The following CABCOCO1 variants were observed in gnomAD, a reference collection of about 807,000 sequenced individuals.
CABCOCO1 encodes the protein ciliary-associated calcium-binding coiled-coil protein 1.
A neutral mutation model predicts 35.7 loss-of-function variants in CABCOCO1; 28 were observed. The observed-to-expected ratio is 0.78, with a 90% CI of 0.58 to 1.07. The LOEUF (loss-of-function observed/expected upper bound fraction) is 1.07, where lower values mean the gene tolerates loss of function less well. Among genes scored for constraint, CABCOCO1 ranks in the 50% least tolerant of loss-of-function variants. CABCOCO1 has a pLI of 0.00. For synonymous variants in CABCOCO1, 95 were observed against 100.1 expected (o/e 0.95, Z 0.30); for missense variants, 326 against 309.2 (o/e 1.05, Z -0.41).
In CABCOCO1 at chr10:61,701,556, A is replaced by G. The variant is rs186746314; in HGVS notation, c.552+10935A>G. On this transcript the variant is annotated intron_variant, in intron 5 of 7. Transcript: ENST00000648843. ...TGCTATTTATGATATTATCTGGCCA[A>G]TAGATGGCAGGACTTGGGGGAATGA... 6.0e-6 allele frequency: 5 copies of G among 835,392 alleles called. No individual in the cohort carries two copies. The African/African-American group carries it at 7.4e-5, about 12-fold the overall frequency. The allele number at this position is 835,392 out of a possible 1,614,324, so 51.7% of individuals were successfully genotyped here.
At chr10:61,730,828 G>T (rs752117807) in intron 5 of CABCOCO1, among the ~76,000 whole-genome samples, 2 of 151,792 alleles carry the variant, frequency 1.3e-5, no homozygotes, top group Non-Finnish European at 2.9e-5. Context: ...TGATATTACT[G>T]TCAAAAATGC....
chr10:61,754,264 A>G (rs1841851598), intron 5 of CABCOCO1, among the ~76,000 whole-genome samples: 1 of 152,132 alleles, frequency 6.6e-6, no homozygotes, highest in Non-Finnish European at 1.5e-5. Context: ...CCAAGTCTAA[A>G]GCCTATAATT....
At chr10:61,667,445 T>C (rs1237845200) in intron 1 of CABCOCO1, among the ~76,000 whole-genome samples, 6 of 151,456 alleles carry the variant, frequency 4.0e-5, no homozygotes, top group African/African-American at 7.2e-5. Context: ...AAAGTTATTT[T>C]GTAAAGTTCC....
Position 61,727,153 on chromosome 10 carries a change from T to C in CABCOCO1, c.553-32906T>C, listed in dbSNP as rs570177013. 2.0e-5 allele frequency among the ~76,000 whole-genome samples: 3 copies of C among 152,290 alleles called. No homozygotes were observed. The East Asian group carries it at 5.8e-4, about 29-fold the overall frequency. On this transcript the variant is annotated intron_variant, in intron 5 of 7. Transcript: ENST00000648843. Reference sequence around the variant, plus strand: ...GATTATAAACTTCTTGAAGGCAGGATTATTTCTTATATTTTAGACTCCCAT... The same window carrying C: ...GATTATAAACTTCTTGAAGGCAGGACTATTTCTTATATTTTAGACTCCCAT...
At chr10:61,680,753 T>A (rs1461995448) in intron 2 of CABCOCO1, among the ~76,000 whole-genome samples, 1 of 99,302 alleles carries the variant, frequency 1.0e-5, no homozygotes, top group Non-Finnish European at 2.3e-5. Context: ...TATCTCAGAA[T>A]ATTTAACAAT....
At chr10:61,718,099 A>C (rs921249322) in intron 5 of CABCOCO1, among the ~76,000 whole-genome samples, 2 of 152,142 alleles carry the variant, frequency 1.3e-5, no homozygotes, top group South Asian at 2.1e-4. Flanking sequence ...GAGAGTATTT[A>C]ATGTACTAAC....
chr10:61,684,923 T>C (rs1267764088), intron 3 of CABCOCO1: 2 of 152,186 alleles, frequency 1.3e-5, no homozygotes, highest in African/African-American at 4.8e-5. Flanking sequence ...TTACAGACAT[T>C]TTAAAAGTTA....
chr10:61,713,300 C>G (rs574563663), intron 5 of CABCOCO1, among the ~76,000 whole-genome samples: 3 of 152,090 alleles, frequency 2.0e-5, no homozygotes, highest in African/African-American at 7.2e-5. Flanking sequence ...TGATTTGGCT[C>G]TCTGTTTGTC....
chr10:61,712,950 G>C (rs1469157663), intron 5 of CABCOCO1, among the ~76,000 whole-genome samples: 1 of 152,194 alleles, frequency 6.6e-6, no homozygotes, highest in African/African-American at 2.4e-5. Context: ...GATGCTTTCA[G>C]CTTTGTTCTT....
At chr10:61,758,051 T>C (rs896899736) in intron 5 of CABCOCO1, among the ~76,000 whole-genome samples, 8 of 152,020 alleles carry the variant, frequency 5.3e-5, no homozygotes, top group African/African-American at 1.7e-4. Context: ...TTCTACTGCA[T>C]TAAAAACAAC....
chr10:61,681,377 A>C, intron 3 of CABCOCO1, 65 bp downstream of exon 3: 1 of 1,233,998 alleles, frequency 8.1e-7, no homozygotes, highest in South Asian at 1.4e-5. Flanking sequence ...GAGGTTCTTA[A>C]GCAAAAGTTA....
At chr10:61,741,710 T>G (rs1841552740) in intron 5 of CABCOCO1, among the ~76,000 whole-genome samples, 1 of 152,230 alleles carries the variant, frequency 6.6e-6, no homozygotes, top group Admixed American at 6.5e-5. Flanking sequence ...TTGTTGTACC[T>G]GAAGGGCTGA....
At chr10:61,734,857 G>C (rs1479714775) in intron 5 of CABCOCO1, among the ~76,000 whole-genome samples, 1 of 151,998 alleles carries the variant, frequency 6.6e-6, no homozygotes, top group Non-Finnish European at 1.5e-5. Flanking sequence ...TGCAGAACAG[G>C]GTGGAAGATG....
At chr10:61,728,171 T>C (rs779335968) in intron 5 of CABCOCO1, among the ~76,000 whole-genome samples, 1 of 152,222 alleles carries the variant, frequency 6.6e-6, no homozygotes, top group Non-Finnish European at 1.5e-5. Flanking sequence ...TCTTTCTTTC[T>C]GATTTCTTTA....
intron 5 of CABCOCO1, among the ~76,000 whole-genome samples, chr10:61,752,339 C>G (rs1400808648): frequency 7.1e-6 from 1 of 140,078 alleles, no homozygotes; most frequent in African/African-American, 2.7e-5. Flanking sequence ...GTTAAAGAAT[C>G]ACTAAGTGAG....
chr10:61,721,108 T>C (rs1052400109), intron 5 of CABCOCO1, among the ~76,000 whole-genome samples: 2 of 151,774 alleles, frequency 1.3e-5, no homozygotes, highest in Non-Finnish European at 2.9e-5. Context: ...GTATTTTTAG[T>C]AGAGACGGGG....
At chr10:61,680,520 ATAT>A (rs1487663232) in intron 2 of CABCOCO1, among the ~76,000 whole-genome samples, 13 of 134,264 alleles carry the variant, frequency 9.7e-5, no homozygotes, top group African/African-American at 3.5e-4. Flanking sequence ...TATATATAAC[ATAT>A]TATATGTTAT....
intron 5 of CABCOCO1, among the ~76,000 whole-genome samples, chr10:61,758,715 C>A (rs2132090688): frequency 6.6e-6 from 1 of 152,118 alleles, no homozygotes. Context: ...TGACCTTAGG[C>A]CAATCATTTA....
chr10:61,723,190 A>AC (rs1841064576), intron 5 of CABCOCO1, among the ~76,000 whole-genome samples: 1 of 152,244 alleles, frequency 6.6e-6, no homozygotes, highest in African/African-American at 2.4e-5. Flanking sequence ...GCTCATTGAC[A>AC]TAAGTCACCA....
Sources: gnomAD v4.1 joint callset for allele counts (sites outside exome capture counted in the v4.1 genomes callset) on GRCh38, gnomAD v4.1.1 for gene constraint, MANE v1.5 for transcripts, NCBI Gene and HGNC (gene_info 2026-07-23, HGNC 2026-07-21) for gene names.